PPP1R1C: variants seen among roughly 807,000 people sequenced by gnomAD.
PPP1R1C encodes protein phosphatase 1 regulatory subunit 1C.
In PPP1R1C, 15 loss-of-function variants were observed where a neutral mutation model predicts 17.4. The observed-to-expected ratio is 0.86, with a 90% CI of 0.58 to 1.33. PPP1R1C has a LOEUF of 1.33. PPP1R1C is among the 40% of genes most tolerant of loss of function. PPP1R1C has a pLI of 0.00. For missense variants in PPP1R1C, 143 were observed against 130.0 expected, an observed-to-expected ratio of 1.10 and a Z score of -0.48; for synonymous variants, 35 against 43.1, an observed-to-expected ratio of 0.81 and a Z score of 0.73.
At chr2:182,085,191 C>T (rs1559086712) in intron 4 of PPP1R1C, among the ~76,000 whole-genome samples, 1 of 152,000 alleles carries the variant, frequency 6.6e-6, no homozygotes, top group Non-Finnish European at 1.5e-5. Context: ...GGTATATAAT[C>T]ATATCATTAG....
chr2:181,990,144 CTTTCTTTTT>C (rs893901464), intron 2 of PPP1R1C, among the ~76,000 whole-genome samples: 2 of 125,604 alleles, frequency 1.6e-5, no homozygotes, highest in African/African-American at 5.2e-5. Context: ...GCTTTCTTTT[CTTTCTTTTT>C]TTTTTGAGAC....
At chr2:181,966,135 T>C (rs1056874663) in intron 1 of PPP1R1C, among the ~76,000 whole-genome samples, 1 of 152,202 alleles carries the variant, frequency 6.6e-6, no homozygotes, top group Non-Finnish European at 1.5e-5. Context: ...GAAGCACTAC[T>C]AATTTTTATA....
intron 4 of PPP1R1C, among the ~76,000 whole-genome samples, chr2:182,074,263 C>G (rs562958534): frequency 7.2e-5 from 11 of 151,892 alleles, no homozygotes; most frequent in Non-Finnish European, 1.6e-4. Context: ...GGATGGTCTC[C>G]ATCTCCTGAC....
intron 4 of PPP1R1C, among the ~76,000 whole-genome samples, chr2:182,099,535 T>G (rs549813962): frequency 5.3e-5 from 8 of 152,108 alleles, no homozygotes; most frequent in Non-Finnish European, 1.2e-4. Flanking sequence ...TTTAGGCAAG[T>G]GGGAGAATAC....
downstream of PPP1R1C, among the ~76,000 whole-genome samples, chr2:182,119,024 A>G (rs1689661580): frequency 6.6e-6 from 1 of 152,042 alleles, no homozygotes; most frequent in African/African-American, 2.4e-5. Flanking sequence ...ATTTAACATT[A>G]GGTATATCTC....
rs1684935810 is a variant in PPP1R1C at position 181,967,974 on chromosome 2, C to G, written n.112-7245C>G. 6.6e-6 allele frequency among the ~76,000 whole-genome samples: 1 copy of G among 152,234 alleles called. No individual in the cohort carries two copies. On this transcript the variant is annotated intron_variant and non_coding_transcript_variant, in intron 1 of 5. Coordinates refer to the PPP1R1C transcript ENST00000464264. The surrounding 1 kb of genome is among the most constrained non-coding windows in gnomAD (Gnocchi z 5.5). ...AGGTGATCCACCCGCCTTGGTCTCCCAAAGTGCTGGGATTGCAGGCATAAG... is the reference window on the plus strand; with the variant it reads ...AGGTGATCCACCCGCCTTGGTCTCCGAAAGTGCTGGGATTGCAGGCATAAG...
At chr2:182,094,719 A>G (rs984383718) in intron 4 of PPP1R1C, among the ~76,000 whole-genome samples, 86 of 152,290 alleles carry the variant, frequency 5.6e-4, no homozygotes, top group African/African-American at 2.0e-3. Context: ...TTTGAATTGC[A>G]GATGTGTAAA....
chr2:182,044,174 T>TC (rs1408115430), intron 2 of PPP1R1C, among the ~76,000 whole-genome samples: 1 of 152,162 alleles, frequency 6.6e-6, no homozygotes, highest in Non-Finnish European at 1.5e-5. Flanking sequence ...CAGGATGGAC[T>TC]CCTCCAATTC....
At chr2:182,020,478 A>C (rs1168763373) in intron 2 of PPP1R1C, among the ~76,000 whole-genome samples, 4 of 152,156 alleles carry the variant, frequency 2.6e-5, no homozygotes, top group Admixed American at 2.6e-4. Context: ...ACGTTTGCAG[A>C]AGCCTAGAGT....
downstream of PPP1R1C, among the ~76,000 whole-genome samples, chr2:182,122,676 G>A (rs1689761812): frequency 1.3e-5 from 2 of 152,026 alleles, no homozygotes; most frequent in Non-Finnish European, 2.9e-5. Flanking sequence ...GGCATGATGT[G>A]TGAGATTTAC....
rs1489640992 is a variant in PPP1R1C, at chr2:182,077,538, T to C, written c.241+13747T>C. Reference sequence around the variant, plus strand: ...TTAGCTTTTCAGACAGGCATTTTAATCTCTTCTGATCTCTGAGATAAATAT... The same window carrying C: ...TTAGCTTTTCAGACAGGCATTTTAACCTCTTCTGATCTCTGAGATAAATAT... On this transcript the variant is annotated intron_variant, in intron 4 of 4. Coordinates refer to ENST00000682840, the MANE Select transcript of PPP1R1C (RefSeq NM_001080545.3). Among the ~76,000 whole-genome samples, 3 of 152,186 alleles carry C rather than the reference T, an allele frequency of 2.0e-5. No homozygotes were observed. In the East Asian group the frequency reaches 5.8e-4, roughly 29 times the overall value.
At chr2:182,118,904 CT>C (rs1009238285), downstream of PPP1R1C, among the ~76,000 whole-genome samples, 18 of 147,420 alleles carry the variant, frequency 1.2e-4, no homozygotes, top group East Asian at 1.8e-3. Flanking sequence ...ATGACTTTTT[CT>C]TTTTTTTTTA....
intron 2 of PPP1R1C, among the ~76,000 whole-genome samples, chr2:182,020,509 G>A (rs1415989632): frequency 6.6e-6 from 1 of 152,136 alleles, no homozygotes; most frequent in Non-Finnish European, 1.5e-5. Flanking sequence ...GTTCCCTAGA[G>A]GCCCCTCACA....
At chr2:182,039,036 G>A (rs1219754191) in intron 2 of PPP1R1C, among the ~76,000 whole-genome samples, 3 of 152,154 alleles carry the variant, frequency 2.0e-5, no homozygotes, top group East Asian at 3.9e-4. Context: ...CTTTGAGTAC[G>A]AGTTTGGAGT....
chr2:182,082,330 A>C (rs1190456905), intron 4 of PPP1R1C, among the ~76,000 whole-genome samples: 1 of 152,240 alleles, frequency 6.6e-6, no homozygotes, highest in Non-Finnish European at 1.5e-5. Flanking sequence ...CAGGACTCAA[A>C]GTTCTCAAAA....
At chr2:182,093,752 T>G (rs1688853485) in intron 4 of PPP1R1C, among the ~76,000 whole-genome samples, 1 of 152,248 alleles carries the variant, frequency 6.6e-6, no homozygotes, top group South Asian at 2.1e-4. Context: ...GAGTCACCTT[T>G]GCTCCAATTC....
intron 2 of PPP1R1C, among the ~76,000 whole-genome samples, chr2:182,006,013 T>A (rs1331717905): frequency 2.0e-5 from 3 of 150,800 alleles, no homozygotes; most frequent in African/African-American, 7.3e-5. Flanking sequence ...ATTAATAGTT[T>A]GGAAGTTGTT....
chr2:181,995,920 TG>T (rs1685599818), intron 2 of PPP1R1C, among the ~76,000 whole-genome samples: 1 of 152,120 alleles, frequency 6.6e-6, no homozygotes. Flanking sequence ...TAAGCAGAAA[TG>T]CCCCGGGACC....
chr2:182,029,279 C>T (rs1418388274), intron 2 of PPP1R1C, among the ~76,000 whole-genome samples: 2 of 150,646 alleles, frequency 1.3e-5, no homozygotes, highest in African/African-American at 4.9e-5. Flanking sequence ...TTATTTTGCT[C>T]GTTAGTTGAT....
Sources: allele counts gnomAD v4.1 joint callset (sites outside exome capture counted in the v4.1 genomes callset), GRCh38; gene constraint gnomAD v4.1.1; non-coding constraint Gnocchi (gnomAD v3.1); transcripts MANE v1.5; gene names NCBI Gene and HGNC (gene_info 2026-07-23, HGNC 2026-07-21).